Variants in AP2B1 observed in about 807,000 individuals in gnomAD.
The protein encoded by AP2B1 is AP-2 complex subunit beta.
AP2B1 carries 23 observed loss-of-function variants against 102.0 expected under a neutral mutation model. The ratio of observed to expected loss-of-function variants is 0.23; its 90% CI spans 0.16 to 0.32. The LOEUF (loss-of-function observed/expected upper bound fraction) is 0.32, where lower values mean the gene tolerates loss of function less well. Among genes scored for constraint, AP2B1 ranks in the 10% least tolerant of loss-of-function variants. The pLI, the probability that AP2B1 is intolerant of heterozygous loss-of-function variation, is 1.00. For synonymous variants in AP2B1, 381 were observed against 421.2 expected (o/e 0.90, Z 1.17); for missense variants, 541 against 1,157.4 (o/e 0.47, Z 7.73).
At chr17:35,688,374 T>G (rs1295603596) in intron 18 of AP2B1, among the ~76,000 whole-genome samples, 1 of 152,196 alleles carries the variant, frequency 6.6e-6, no homozygotes, top group Non-Finnish European at 1.5e-5. Context: ...TTAGCCCTGT[T>G]TTTTTCTCAG....
At chr17:35,606,696 C>T (rs2073688304) in intron 4 of AP2B1, among the ~76,000 whole-genome samples, 1 of 152,130 alleles carries the variant, frequency 6.6e-6, no homozygotes, top group African/African-American at 2.4e-5. Context: ...CCAACCCCCT[C>T]TCCTGCTGGA....
At chr17:35,673,557 G>T (rs536396252) in intron 16 of AP2B1, among the ~76,000 whole-genome samples, 1 of 152,104 alleles carries the variant, frequency 6.6e-6, no homozygotes, top group Non-Finnish European at 1.5e-5. Context: ...ACCAAGGGGC[G>T]TGTTATGAAT....
chr17:35,664,256 G>A (rs1567935377), intron 14 of AP2B1, among the ~76,000 whole-genome samples: 1 of 152,030 alleles, frequency 6.6e-6, no homozygotes, highest in African/African-American at 2.4e-5. Flanking sequence ...GGAGATGTTT[G>A]TTTATTTATT....
intron 3 of AP2B1, 74 bp from the exon 4 acceptor site, chr17:35,605,631 T>G: frequency 3.0e-6 from 3 of 1,002,718 alleles, no homozygotes; most frequent in Non-Finnish European, 4.5e-6. Context: ...TAGTTAAGGC[T>G]ATTCATGTTC....
chr17:35,655,652 T>C (rs898551461), intron 13 of AP2B1, among the ~76,000 whole-genome samples: 2 of 152,230 alleles, frequency 1.3e-5, no homozygotes, highest in African/African-American at 4.8e-5. Flanking sequence ...CTCTTGGGCA[T>C]ATACCTAGGA....
chr17:35,605,717 A>G lies in AP2B1; in HGVS notation c.156A>G (p.Pro52=). 6.2e-7 allele frequency: 1 copy of G among 1,610,450 alleles called. No homozygotes were observed. Reference sequence around the variant, plus strand: ...CCTCTCTTCTCAGTTCTCTCTTTCCAGACGTAGTGAACTGTATGCAGACTG... The same window carrying G: ...CCTCTCTTCTCAGTTCTCTCTTTCCGGACGTAGTGAACTGTATGCAGACTG... ...TVGKDVSSLF[P]DVVNCMQTDN... The change falls in exon 4 of 22, where the codon CCA becomes CCG. Residue 52 remains proline, a synonymous_variant. Coordinates refer to ENST00000610402, the MANE Select transcript of AP2B1 (RefSeq NM_001030006.2).
At chr17:35,665,009 C>T (rs72625914) in intron 14 of AP2B1, among the ~76,000 whole-genome samples, 4,028 of 151,698 alleles carry the variant, frequency 0.027, 203 homozygotes, top group East Asian at 0.24. Context: ...GATCTCAATG[C>T]GTTTATGCTA....
chr17:35,597,154 T>C (rs2073317688), intron 2 of AP2B1: 1 of 481,846 alleles, frequency 2.1e-6, no homozygotes, highest in African/African-American at 2.0e-5. Flanking sequence ...TCTATGCTGG[T>C]AAATGAGATC....
intron 5 of AP2B1, among the ~76,000 whole-genome samples, chr17:35,622,198 T>C (rs1002943307): frequency 2.6e-5 from 4 of 152,210 alleles, no homozygotes; most frequent in Non-Finnish European, 5.9e-5. Flanking sequence ...TAGATAAGTT[T>C]TCCTGATTTG....
intron 9 of AP2B1, among the ~76,000 whole-genome samples, chr17:35,629,525 A>AG (rs1263188784): frequency 1.3e-5 from 2 of 151,854 alleles, no homozygotes; most frequent in African/African-American, 4.9e-5. Flanking sequence ...TGAATCTCTG[A>AG]GGATATGAAT....
At chr17:35,670,939 C>G (rs1000798044) in intron 15 of AP2B1, 41 bp downstream of exon 15, 2 of 1,607,324 alleles carry the variant, frequency 1.2e-6, no homozygotes, top group South Asian at 1.1e-5. Flanking sequence ...AAGCACTGCC[C>G]CCTGTTTGAT....
chr17:35,701,722 C>G (rs1247361448), intron 18 of AP2B1, among the ~76,000 whole-genome samples: 2 of 152,178 alleles, frequency 1.3e-5, no homozygotes, highest in Non-Finnish European at 2.9e-5. Context: ...ATCCTCTTAT[C>G]CTCGTGCTTC....
intron 3 of AP2B1, among the ~76,000 whole-genome samples, chr17:35,600,669 C>A (rs1393820424): frequency 1.3e-5 from 2 of 152,110 alleles, no homozygotes; most frequent in African/African-American, 2.4e-5. Flanking sequence ...AAAAACAGTA[C>A]ATTTTACCTT....
chr17:35,699,723 GAGAAT>G (rs2076207046), intron 18 of AP2B1, among the ~76,000 whole-genome samples: 2 of 152,152 alleles, frequency 1.3e-5, no homozygotes, highest in Non-Finnish European at 2.9e-5. Flanking sequence ...CAGGGTCTCT[GAGAAT>G]TCCCAGATAA....
At chr17:35,663,638 G>A (rs1223477615) in intron 14 of AP2B1, among the ~76,000 whole-genome samples, 7 of 152,172 alleles carry the variant, frequency 4.6e-5, no homozygotes, top group Non-Finnish European at 8.8e-5. Flanking sequence ...AATAAATATG[G>A]CTCATTGTCT....
chr17:35,673,159 A>G (rs555807705), intron 16 of AP2B1, among the ~76,000 whole-genome samples: 234 of 152,042 alleles, frequency 1.5e-3, no homozygotes, highest in Non-Finnish European at 2.6e-3. Flanking sequence ...CCACCCACAG[A>G]TCCTTTGGTA....
intron 5 of AP2B1, among the ~76,000 whole-genome samples, chr17:35,615,252 TA>T (rs2073981621): frequency 6.6e-6 from 1 of 152,212 alleles, no homozygotes; most frequent in Non-Finnish European, 1.5e-5. Context: ...GTCTTATATG[TA>T]AAACTGAGGT....
intron 5 of AP2B1, among the ~76,000 whole-genome samples, chr17:35,622,524 T>A (rs1359445929): frequency 6.6e-6 from 1 of 152,226 alleles, no homozygotes; most frequent in African/African-American, 2.4e-5. Context: ...AAAATGATAA[T>A]CATACAAATC....
chr17:35,683,976 T>C (rs1003709557), intron 18 of AP2B1, among the ~76,000 whole-genome samples: 1 of 152,200 alleles, frequency 6.6e-6, no homozygotes, highest in African/African-American at 2.4e-5. Context: ...ATGCCATAGA[T>C]GAGTTATATA....
Sources: allele counts gnomAD v4.1 joint callset (sites outside exome capture counted in the v4.1 genomes callset), GRCh38; gene constraint gnomAD v4.1.1; transcripts MANE v1.5; gene names NCBI Gene and HGNC (gene_info 2026-07-23, HGNC 2026-07-21).